Variants in CLVS1 observed in about 807,000 individuals in gnomAD.
The protein encoded by CLVS1 is clavesin 1, also known as clavesin-1.
A neutral mutation model predicts 33.1 loss-of-function variants in CLVS1; 10 were observed. The observed-to-expected ratio is 0.30, with a 90% CI of 0.19 to 0.51. The LOEUF (loss-of-function observed/expected upper bound fraction) is 0.51, where lower values mean the gene tolerates loss of function less well. CLVS1 is among the 20% of genes least tolerant of loss of function. The pLI is 0.97. For missense variants in CLVS1, 343 were observed against 433.4 expected (o/e 0.79, Z 1.85); for synonymous variants, 163 against 166.1 (o/e 0.98, Z 0.14).
intron 2 of CLVS1, among the ~76,000 whole-genome samples, chr8:61,254,772 T>G (rs899214577): frequency 1.3e-5 from 2 of 152,092 alleles, no homozygotes; most frequent in Non-Finnish European, 2.9e-5. Flanking sequence ...ACTGGAAAAG[T>G]GCAGTATTAG....
At chr8:61,135,918 G>A (rs990637353) in intron 2 of CLVS1, among the ~76,000 whole-genome samples, 1 of 152,240 alleles carries the variant, frequency 6.6e-6, no homozygotes, top group Non-Finnish European at 1.5e-5. Context: ...CTGGGCCTGT[G>A]CCCTCTCGGG....
At chr8:61,425,015 C>G (rs1815827138) in intron 3 of CLVS1, among the ~76,000 whole-genome samples, 1 of 152,076 alleles carries the variant, frequency 6.6e-6, no homozygotes, top group Non-Finnish European at 1.5e-5. Flanking sequence ...GAATGCTGAA[C>G]CAGTATGTAA....
chr8:61,367,494 A>G (rs971010705), intron 2 of CLVS1, among the ~76,000 whole-genome samples: 1 of 152,154 alleles, frequency 6.6e-6, no homozygotes, highest in South Asian at 2.1e-4. Flanking sequence ...CTCCCCAATC[A>G]TAAGTGATCT....
chr8:61,072,324 T>A (rs1421943806), intron 1 of CLVS1, among the ~76,000 whole-genome samples: 1 of 152,234 alleles, frequency 6.6e-6, no homozygotes, highest in African/African-American at 2.4e-5. Flanking sequence ...TCCATGAAGA[T>A]GCATTCCAGA....
intron 2 of CLVS1, among the ~76,000 whole-genome samples, chr8:61,200,934 C>G (rs893936867): frequency 6.6e-6 from 1 of 151,958 alleles, no homozygotes; most frequent in Admixed American, 6.6e-5. Context: ...TGGCCATGTA[C>G]CATATGATTT....
At chr8:61,254,149 T>A (rs924878708) in intron 2 of CLVS1, among the ~76,000 whole-genome samples, 2 of 152,348 alleles carry the variant, frequency 1.3e-5, no homozygotes, top group African/African-American at 4.8e-5. Flanking sequence ...GTCAGGACCC[T>A]CAGCTGCACA....
intron 1 of CLVS1, among the ~76,000 whole-genome samples, chr8:61,079,967 A>G (rs1804992142): frequency 6.6e-6 from 1 of 152,202 alleles, no homozygotes; most frequent in African/African-American, 2.4e-5. Context: ...GATGCTGATT[A>G]TTATTGAAGC....
chr8:61,010,648 G>C, the CLVS1 span, among the ~76,000 whole-genome samples: 2 of 152,150 alleles, frequency 1.3e-5, no homozygotes, highest in Admixed American at 1.3e-4. Flanking sequence ...GGAGATGAGG[G>C]GGTGGTTAAT....
At chr8:61,014,161 CAT>C in the CLVS1 span, among the ~76,000 whole-genome samples, 2 of 148,550 alleles carry the variant, frequency 1.3e-5, no homozygotes, top group African/African-American at 5.0e-5. Flanking sequence ...ATCCAGGGAG[CAT>C]GGAGGTTGGC....
chr8:61,459,975 TA>T (rs1218902684), intron 5 of CLVS1, among the ~76,000 whole-genome samples: 1 of 152,176 alleles, frequency 6.6e-6, no homozygotes, highest in East Asian at 1.9e-4. Flanking sequence ...GCCTCTATCC[TA>T]ACCTCCTTTT....
chr8:61,204,788 C>T (rs1273926576), intron 2 of CLVS1, among the ~76,000 whole-genome samples: 24 of 151,956 alleles, frequency 1.6e-4, no homozygotes. Flanking sequence ...TAGTGTAATT[C>T]CTTTGCTTTC....
chr8:61,204,094 T>A (rs1386116825), intron 2 of CLVS1, among the ~76,000 whole-genome samples: 1 of 152,212 alleles, frequency 6.6e-6, no homozygotes. Context: ...GGGCTGGGAT[T>A]TGAATTCTGG....
chr8:61,162,451 T>C (rs1585653883), intron 2 of CLVS1, among the ~76,000 whole-genome samples: 1 of 152,218 alleles, frequency 6.6e-6, no homozygotes, highest in South Asian at 2.1e-4. Context: ...GAATCTGCAG[T>C]TGAGAGAAAC....
chr8:61,447,383 A>T (rs1476212940), intron 3 of CLVS1, among the ~76,000 whole-genome samples: 1 of 151,776 alleles, frequency 6.6e-6, no homozygotes, highest in African/African-American at 2.4e-5. Flanking sequence ...TAAATTAATT[A>T]TTGTTATGTT....
chr8:61,404,210 GC>G (rs1417558142), intron 3 of CLVS1, among the ~76,000 whole-genome samples: 1 of 152,158 alleles, frequency 6.6e-6, no homozygotes, highest in Non-Finnish European at 1.5e-5. Flanking sequence ...TTCTTTCCAA[GC>G]CCTCTGCAGC....
chr8:61,495,597 A>T (rs961548652), intron 5 of CLVS1, among the ~76,000 whole-genome samples: 2 of 152,192 alleles, frequency 1.3e-5, no homozygotes, highest in Non-Finnish European at 2.9e-5. Flanking sequence ...CATGAGGCAA[A>T]TTCAAGAAAA....
intron 5 of CLVS1, among the ~76,000 whole-genome samples, chr8:61,479,251 C>T (rs1024526234): frequency 6.6e-6 from 1 of 152,160 alleles, no homozygotes; most frequent in Non-Finnish European, 1.5e-5. Context: ...TTCACATAGT[C>T]CCATACTTCT....
At chr8:61,445,701 C>T (rs930248641) in intron 3 of CLVS1, among the ~76,000 whole-genome samples, 3 of 152,088 alleles carry the variant, frequency 2.0e-5, no homozygotes, top group Non-Finnish European at 4.4e-5. Flanking sequence ...GAAAGTGTTA[C>T]CTTCACTTCT....
chr8:61,299,759 T>A lies in CLVS1; in HGVS notation c.-69T>A. On this transcript the variant is annotated 5_prime_UTR_variant, in exon 2 of 6. Transcript: ENST00000325897. ...AATGTGAAAGAAGACCCTCTATTTG[T>A]CTGTTCCGGGGCAGCCTGGTAGTAA... 8.5e-7 allele frequency: 1 copy of A among 1,179,722 alleles called. No homozygotes were observed. Among genetic ancestry groups the A allele is most frequent in the Admixed American group, 2.1e-5 (1 of 46,764 alleles). 73.1% of individuals were successfully genotyped at this position (1,179,722 alleles called of 1,614,324 possible). A position where few individuals can be genotyped will look rare whatever the true frequency, so the allele number is the denominator to read the frequency against.
Sources: allele counts gnomAD v4.1 joint callset (sites outside exome capture counted in the v4.1 genomes callset), GRCh38; gene constraint gnomAD v4.1.1; transcripts MANE v1.5; gene names NCBI Gene and HGNC (gene_info 2026-07-23, HGNC 2026-07-21).